Variants in ETFA observed in about 807,000 individuals in gnomAD.
ETFA encodes electron transfer flavoprotein subunit alpha, mitochondrial.
Under a neutral mutation model 46.2 loss-of-function variants are expected in ETFA, and 22 were observed. That is an observed-to-expected ratio of 0.48 (90% confidence interval 0.34 to 0.68). ETFA has a LOEUF of 0.68. ETFA is among the 30% of genes least tolerant of loss of function. The pLI, the probability that ETFA is intolerant of heterozygous loss-of-function variation, is 0.01. For synonymous variants in ETFA, 131 were observed against 139.9 expected (o/e 0.94, Z 0.45); for missense variants, 345 against 401.1 (o/e 0.86, Z 1.19).
At chr15:76,222,164 T>C (rs1383792251) in intron 11 of ETFA, among the ~76,000 whole-genome samples, 2 of 150,524 alleles carry the variant, frequency 1.3e-5, no homozygotes, top group Non-Finnish European at 3.0e-5. Context: ...CTTAATGTTA[T>C]ATAAAGATAT....
At chr15:76,261,286 A>G in intron 9 of ETFA, 1 of 1,563,576 alleles carries the variant, frequency 6.4e-7, no homozygotes, top group Non-Finnish European at 8.8e-7. Context: ...CTCCACTGTG[A>G]AAAGTGGCAC....
At chr15:76,229,314 C>G (rs548674642) in intron 10 of ETFA, among the ~76,000 whole-genome samples, 5 of 152,338 alleles carry the variant, frequency 3.3e-5, no homozygotes, top group Admixed American at 2.0e-4. Context: ...GCATTCCCAG[C>G]TTCTAGTACA....
At chr15:76,289,866 G>A (rs376511759) in intron 4 of ETFA, among the ~76,000 whole-genome samples, 8 of 152,108 alleles carry the variant, frequency 5.3e-5, no homozygotes, top group African/African-American at 1.7e-4. Flanking sequence ...TTACAACATA[G>A]CAATCATGGC....
At chr15:76,227,740 G>A (rs1456175692) in intron 10 of ETFA, 1 of 444,342 alleles carries the variant, frequency 2.3e-6, no homozygotes, top group Non-Finnish European at 4.5e-6. Flanking sequence ...GAAAACAGCT[G>A]GTATTAAAAA....
intron 8 of ETFA, among the ~76,000 whole-genome samples, chr15:76,282,514 C>A (rs2039665722): frequency 6.6e-6 from 1 of 152,140 alleles, no homozygotes; most frequent in Non-Finnish European, 1.5e-5. Flanking sequence ...AAAATAGTAC[C>A]TGGAATATGG....
chr15:76,222,197 TATATAA>T (rs1215469100), intron 11 of ETFA, among the ~76,000 whole-genome samples: 6 of 149,226 alleles, frequency 4.0e-5, no homozygotes, highest in Non-Finnish European at 4.5e-5. Flanking sequence ...TTCTTAATGT[TATATAA>T]ATATATTTTT....
chr15:76,241,843 A>ATT lies in ETFA; in HGVS notation c.817-10447_817-10446dup, dbSNP rs148112189. On this transcript the variant is annotated intron_variant, in intron 9 of 11. Coordinates refer to ENST00000557943, the MANE Select transcript of ETFA (RefSeq NM_000126.4). ...AAAAAAAAGTTTATTTGACTATCAA[A>ATT]TTTTTTTTTTTTGAGATGGAGTCTC... Among the ~76,000 whole-genome samples, 468 of 111,162 alleles carry ATT rather than the reference A, an allele frequency of 4.2e-3. 3 individuals are homozygous for ATT. The highest frequency in any genetic ancestry group is 6.6e-3 in the Non-Finnish European group (392 of 59,344). 72.9% of individuals were successfully genotyped at this position (111,162 alleles called of 152,430 possible).
At chr15:76,290,185 T>C (rs1438725435) in intron 4 of ETFA, among the ~76,000 whole-genome samples, 1 of 152,190 alleles carries the variant, frequency 6.6e-6, no homozygotes, top group African/African-American at 2.4e-5. Context: ...TTCCAGCCCA[T>C]GTTTACACAG....
chr15:76,224,634 C>G (rs1022467675), intron 11 of ETFA, among the ~76,000 whole-genome samples: 2 of 152,208 alleles, frequency 1.3e-5, no homozygotes, highest in African/African-American at 4.8e-5. Context: ...GCTGAGGGAA[C>G]CACCTGTAGC....
At chr15:76,290,513 T>A (rs1315566924) in intron 4 of ETFA, among the ~76,000 whole-genome samples, 2 of 149,408 alleles carry the variant, frequency 1.3e-5, no homozygotes, top group Non-Finnish European at 3.0e-5. Flanking sequence ...CTCAGCTAAT[T>A]TTTTTTTTTC....
At chr15:76,228,074 A>G (rs2039023345) in intron 10 of ETFA, 1 of 422,330 alleles carries the variant, frequency 2.4e-6, no homozygotes, top group Non-Finnish European at 4.8e-6. Flanking sequence ...CACGGCGATA[A>G]GCAGAGATTT....
At chr15:76,261,521 G>A (rs937158002) in intron 9 of ETFA, 7 of 681,042 alleles carry the variant, frequency 1.0e-5, no homozygotes, top group African/African-American at 7.2e-5. Context: ...AGCTTTACCA[G>A]CTGCCCCTGG....
At chr15:76,260,044 T>G (rs2039390074) in intron 9 of ETFA, 1 of 1,480,740 alleles carries the variant, frequency 6.8e-7, no homozygotes. Context: ...GGCAATGAGA[T>G]CAGCTTTCAG....
Position 76,216,310 on chromosome 15 carries a change from GA to G in ETFA, c.*248del. ...TATTTCTGATAGTTTTAAAGCTGTG[GA>G]AAAGCTTTATTATAGATTTTAGTAC... On this transcript the variant is annotated 3_prime_UTR_variant, in exon 12 of 12. Coordinates refer to ENST00000557943, the MANE Select transcript of ETFA (RefSeq NM_000126.4). 1 of 432,632 alleles carries G rather than the reference GA, an allele frequency of 2.3e-6. No homozygotes were observed. Among genetic ancestry groups the G allele is most frequent in the Non-Finnish European group, 4.1e-6 (1 of 244,446 alleles). The allele number at this position is 432,632 out of a possible 1,614,324, so 26.8% of individuals were successfully genotyped here.
chr15:76,256,262 GAAAA>G (rs59670988), intron 9 of ETFA, among the ~76,000 whole-genome samples: 2 of 95,714 alleles, frequency 2.1e-5, no homozygotes, highest in Non-Finnish European at 2.1e-5. Context: ...CCGTCTCAAG[GAAAA>G]AAAAAAAAAA....
In ETFA at chr15:76,216,291, T is replaced by C. The variant is rs80292319; in HGVS notation, c.*268A>G. 0.041 allele frequency: 14,993 copies of C among 369,758 alleles called. 417 individuals carry two copies. The highest frequency in any genetic ancestry group is 0.054 in the Non-Finnish European group (11,147 of 206,906). 22.9% of individuals were successfully genotyped at this position (369,758 alleles called of 1,614,324 possible). ...TTTCTCTAGAGGCTAGGCATATTTC[T>C]GATAGTTTTAAAGCTGTGGAAAAGC... On this transcript the variant is annotated 3_prime_UTR_variant, in exon 12 of 12. Transcript: ENST00000557943.
At chr15:76,264,213 G>T (rs1375131865) in intron 9 of ETFA, among the ~76,000 whole-genome samples, 1 of 152,162 alleles carries the variant, frequency 6.6e-6, no homozygotes, top group Non-Finnish European at 1.5e-5. Context: ...TTGATAATAG[G>T]TTAATACCAT....
chr15:76,259,789 G>A (rs2039385361), intron 9 of ETFA: 10 of 1,603,302 alleles, frequency 6.2e-6, no homozygotes, highest in Non-Finnish European at 8.5e-6. Flanking sequence ...GGTACTCCAT[G>A]CTGCAGGCAA....
At position 76,248,773 on chromosome 15, in the gene ETFA, AG is replaced by A. The variant is rs1296942971; in HGVS notation, c.817-17376del. Among the ~76,000 whole-genome samples the A allele has an allele frequency of 3.3e-5, 5 of 152,088 alleles. No individual in the cohort carries two copies. In the East Asian group the frequency reaches 9.6e-4, roughly 29 times the overall value. On this transcript the variant is annotated intron_variant, in intron 9 of 11. Transcript: ENST00000557943. ...GCACCTGTAGTCCCAGCTACTCAGG[AG>A]GCTGAGGTGGGAGAATTGTTTGAAC...
Sources: gnomAD v4.1 joint callset for allele counts (sites outside exome capture counted in the v4.1 genomes callset) on GRCh38, gnomAD v4.1.1 for gene constraint, MANE v1.5 for transcripts, NCBI Gene and HGNC (gene_info 2026-07-23, HGNC 2026-07-21) for gene names.